The following HIPK2 variants were observed in gnomAD, a reference collection of about 807,000 sequenced individuals.
HIPK2 encodes the protein homeodomain-interacting protein kinase 2.
A neutral mutation model predicts 113.7 loss-of-function variants in HIPK2; 27 were observed. That is an observed-to-expected ratio of 0.24 (90% CI 0.17 to 0.33). The LOEUF (loss-of-function observed/expected upper bound fraction) is 0.33. Ranked by LOEUF, HIPK2 falls within the 10% of genes least tolerant of loss-of-function variation. The pLI, the probability that HIPK2 is intolerant of heterozygous loss-of-function variation, is 1.00. For missense variants in HIPK2, 1,257 were observed against 1,588.0 expected, an observed-to-expected ratio of 0.79 and a Z score of 3.54; for synonymous variants, 631 against 642.2, an observed-to-expected ratio of 0.98 and a Z score of 0.26.
At chr7:139,746,879 C>T (rs1796199039) in intron 1 of HIPK2, among the ~76,000 whole-genome samples, 1 of 152,100 alleles carries the variant, frequency 6.6e-6, no homozygotes, top group Non-Finnish European at 1.5e-5. Context: ...TAGCGTGTCT[C>T]TGCCTCACAC....
intron 7 of HIPK2, among the ~76,000 whole-genome samples, chr7:139,620,048 C>G (rs773073045): frequency 6.6e-6 from 1 of 152,160 alleles, no homozygotes; most frequent in South Asian, 2.1e-4. Context: ...TAGGCATGAG[C>G]CACTGTGCCT....
chr7:139,763,573 C>G (rs1302876636), intron 1 of HIPK2, among the ~76,000 whole-genome samples: 1 of 146,624 alleles, frequency 6.8e-6, no homozygotes, highest in Non-Finnish European at 1.5e-5. Flanking sequence ...GACCAGATGG[C>G]CTGCAAAGCC....
intron 2 of HIPK2, among the ~76,000 whole-genome samples, chr7:139,702,238 A>C (rs1223270491): frequency 1.3e-5 from 2 of 152,124 alleles, no homozygotes; most frequent in Non-Finnish European, 2.9e-5. Context: ...CTGAAAACCC[A>C]CATCTTACAC....
intron 2 of HIPK2, among the ~76,000 whole-genome samples, chr7:139,705,241 T>C (rs1023322406): frequency 6.6e-6 from 1 of 152,202 alleles, no homozygotes; most frequent in African/African-American, 2.4e-5. Context: ...GGGGAAAGCA[T>C]GGTGCTTATT....
intron 2 of HIPK2, among the ~76,000 whole-genome samples, chr7:139,681,755 G>A (rs1025421770): frequency 5.9e-5 from 9 of 152,154 alleles, no homozygotes; most frequent in Non-Finnish European, 1.2e-4. Context: ...CACAGCGTGC[G>A]GAGCCTGGAC....
intron 1 of HIPK2, among the ~76,000 whole-genome samples, chr7:139,742,054 T>C (rs1330662573): frequency 6.6e-6 from 1 of 152,198 alleles, no homozygotes; most frequent in African/African-American, 2.4e-5. Flanking sequence ...TTCAAACACA[T>C]GTCAGTATGA....
intron 2 of HIPK2, among the ~76,000 whole-genome samples, chr7:139,641,477 T>G (rs1331119763): frequency 1.3e-5 from 2 of 152,058 alleles, no homozygotes; most frequent in African/African-American, 4.8e-5. Context: ...TCATCTCACA[T>G]GAATGCTGGG....
intron 2 of HIPK2, among the ~76,000 whole-genome samples, chr7:139,661,784 C>G (rs1051561489): frequency 1.3e-5 from 2 of 152,196 alleles, no homozygotes; most frequent in African/African-American, 4.8e-5. Flanking sequence ...CTGTCCTGGG[C>G]TGCATGCAGC....
chr7:139,692,562 T>C (rs1794437506), intron 2 of HIPK2, among the ~76,000 whole-genome samples: 3 of 152,238 alleles, frequency 2.0e-5, no homozygotes, highest in Non-Finnish European at 4.4e-5. Context: ...TATTGTCATC[T>C]GTAGAATTTG....
intron 1 of HIPK2, among the ~76,000 whole-genome samples, chr7:139,743,972 T>C (rs903063975): frequency 1.3e-5 from 2 of 152,202 alleles, no homozygotes; most frequent in African/African-American, 4.8e-5. Flanking sequence ...AATGAAGAAC[T>C]GAATATACAT....
At position 139,575,653 on chromosome 7, in the gene HIPK2, T is replaced by C. The variant is rs1197528171; in HGVS notation, c.2966-365A>G. On this transcript the variant is annotated intron_variant, in intron 13 of 14. Coordinates refer to ENST00000406875, the MANE Select transcript of HIPK2 (RefSeq NM_022740.5). Reference sequence around the variant, plus strand: ...AATGGGTAGGAGAGATCTGCTATAATTTGAATGTGTTCCCCAAAGTTCTTG... The same window carrying C: ...AATGGGTAGGAGAGATCTGCTATAACTTGAATGTGTTCCCCAAAGTTCTTG... 2.6e-5 allele frequency among the ~76,000 whole-genome samples: 4 copies of C among 152,244 alleles called. No homozygotes were observed. In the South Asian group the frequency reaches 8.3e-4, roughly 31 times the overall value.
Position 139,759,348 on chromosome 7 carries a change from G to A in HIPK2, c.19+18257C>T, listed in dbSNP as rs540003445. Among the ~76,000 whole-genome samples, 6 of 152,262 alleles carry A rather than the reference G, an allele frequency of 3.9e-5. No individual in the cohort carries two copies. The East Asian group carries it at 7.7e-4, about 20-fold the overall frequency. ...CATACTGCTTGCATGAGTAGAATAC[G>A]GTATAAACCCTACAGGAAGAATTTG... On this transcript the variant is annotated intron_variant, in intron 1 of 14. Coordinates refer to ENST00000406875, the MANE Select transcript of HIPK2 (RefSeq NM_022740.5).
intron 9 of HIPK2, among the ~76,000 whole-genome samples, chr7:139,610,640 A>C (rs140761179): frequency 1.3e-5 from 2 of 152,366 alleles, no homozygotes; most frequent in African/African-American, 4.8e-5. Flanking sequence ...TCTGGACCTA[A>C]GCACAGAGAT....
chr7:139,751,589 T>C lies in HIPK2; in HGVS notation c.19+26016A>G, dbSNP rs891838253. 4.1e-5 allele frequency among the ~76,000 whole-genome samples: 6 copies of C among 144,990 alleles called. No individual in the cohort carries two copies. The East Asian group carries it at 6.0e-4, about 14-fold the overall frequency. The stretch of plus-strand genomic sequence containing the variant: ...ATGGATGGATGGATGGTTGGATGGA[T>C]AGATGGATGGATGGATGGATGGATG... On this transcript the variant is annotated intron_variant, in intron 1 of 14. Coordinates refer to ENST00000406875, the MANE Select transcript of HIPK2 (RefSeq NM_022740.5).
intron 1 of HIPK2, among the ~76,000 whole-genome samples, chr7:139,760,568 T>A (rs915331286): frequency 6.6e-6 from 1 of 152,190 alleles, no homozygotes; most frequent in Non-Finnish European, 1.5e-5. Context: ...AGTTCCATAT[T>A]GGTAATAATA....
chr7:139,614,266 C>G lies in HIPK2; in HGVS notation c.1990+20G>C, dbSNP rs1799940534. 1 of 1,439,250 alleles carries G rather than the reference C, an allele frequency of 6.9e-7. No individual in the cohort carries two copies. Among genetic ancestry groups the G allele is most frequent in the Non-Finnish European group, 9.3e-7 (1 of 1,080,942 alleles). 89.2% of individuals were successfully genotyped at this position (1,439,250 alleles called of 1,614,324 possible). A position where few individuals can be genotyped will look rare whatever the true frequency, so the allele number is the denominator to read the frequency against. ...CGTTCTGTAAGAAGCAGGTGAGAGG[C>G]TGTGGCTGCTCAATCTTACCTTGGA... On this transcript the variant is annotated intron_variant, in intron 8 of 14. Transcript: ENST00000406875.
In HIPK2 at chr7:139,777,663, G is replaced by T; in HGVS notation, c.-40C>A. 1 of 1,086,626 alleles carries T rather than the reference G, an allele frequency of 9.2e-7. No individual in the cohort carries two copies. The highest frequency in any genetic ancestry group is 1.1e-6 in the Non-Finnish European group (1 of 894,232). The allele number at this position is 1,086,626 out of a possible 1,614,324, so 67.3% of individuals were successfully genotyped here. A position where few individuals can be genotyped will look rare whatever the true frequency, so the allele number is the denominator to read the frequency against. On this transcript the variant is annotated 5_prime_UTR_variant, in exon 1 of 15. Transcript: ENST00000406875. ...CCGCGGTTCATGGCAACGGGGACGG[G>T]AAAGCGGCGCGCGAGCTCGGCCCCC...
At chr7:139,670,904 G>A (rs924155363) in intron 2 of HIPK2, among the ~76,000 whole-genome samples, 1 of 151,306 alleles carries the variant, frequency 6.6e-6, no homozygotes, top group African/African-American at 2.4e-5. Flanking sequence ...GGGATTACAG[G>A]CCTGCGCCAC....
At chr7:139,674,350 A>G (rs1585363260) in intron 2 of HIPK2, among the ~76,000 whole-genome samples, 1 of 152,336 alleles carries the variant, frequency 6.6e-6, no homozygotes, top group South Asian at 2.1e-4. Context: ...ACATAAAGCA[A>G]TAAGAAAAAT....
Sources: gnomAD v4.1 joint callset for allele counts (sites outside exome capture counted in the v4.1 genomes callset) on GRCh38, gnomAD v4.1.1 for gene constraint, MANE v1.5 for transcripts, NCBI Gene and HGNC (gene_info 2026-07-23, HGNC 2026-07-21) for gene names.